IL1RAPL2: variants seen among roughly 807,000 people sequenced by gnomAD.
IL1RAPL2 encodes interleukin 1 receptor accessory protein like 2, also known as X-linked interleukin-1 receptor accessory protein-like 2.
IL1RAPL2 carries 3 observed loss-of-function variants against 44.1 expected under a neutral mutation model. The observed-to-expected ratio is 0.07, with a 90% confidence interval of 0.03 to 0.18. IL1RAPL2 has a LOEUF of 0.18. Ranked by LOEUF, IL1RAPL2 falls within the 10% of genes least tolerant of loss-of-function variation. The probability of loss-of-function intolerance (pLI) is 1.00; values close to 1 mark genes in which losing one functional copy is unlikely to be tolerated. For synonymous variants in IL1RAPL2, 181 were observed against 178.8 expected, an observed-to-expected ratio of 1.01 and a Z score of -0.10; for missense variants, 391 against 496.4, an observed-to-expected ratio of 0.79 and a Z score of 2.02.
intron 2 of IL1RAPL2, among the ~76,000 whole-genome samples, chrX:105,070,324 T>G (rs2032190051): frequency 8.9e-6 from 1 of 112,074 alleles, no homozygotes. Context: ...AAGGTCTTCC[T>G]TATTGTCATA....
intron 8 of IL1RAPL2, among the ~76,000 whole-genome samples, chrX:105,748,122 C>G (rs761844193): frequency 4.0e-4 from 45 of 111,463 alleles, no homozygotes; most frequent in Non-Finnish European, 8.1e-4. Flanking sequence ...ATGATACACT[C>G]TTTATATTTA....
At chrX:105,354,557 C>T (rs186041474) in intron 5 of IL1RAPL2, among the ~76,000 whole-genome samples, 52 of 109,435 alleles carry the variant, frequency 4.8e-4, no homozygotes, top group Middle Eastern at 4.7e-3. Context: ...TGTTAAATGA[C>T]GAGTTGATGG....
chrX:105,458,297 A>G (rs1341756915), intron 5 of IL1RAPL2, among the ~76,000 whole-genome samples: 1 of 111,459 alleles, frequency 9.0e-6, no homozygotes, highest in Non-Finnish European at 1.9e-5. Flanking sequence ...GTGTTTATTG[A>G]TGCACGGAAG....
chrX:104,682,436 A>G (rs901478055), intron 2 of IL1RAPL2, among the ~76,000 whole-genome samples: 48 of 112,632 alleles, frequency 4.3e-4, no homozygotes, highest in African/African-American at 1.5e-3. Flanking sequence ...TATATCATAC[A>G]TATACAGCCA....
chrX:104,687,462 G>T (rs1256163018), intron 2 of IL1RAPL2, among the ~76,000 whole-genome samples: 1 of 111,370 alleles, frequency 9.0e-6, no homozygotes, highest in Non-Finnish European at 1.9e-5. Flanking sequence ...ATGGCACCAA[G>T]CCATTTACGA....
intron 3 of IL1RAPL2, among the ~76,000 whole-genome samples, chrX:105,200,056 C>A (rs1285769125): frequency 9.0e-6 from 1 of 111,169 alleles, no homozygotes; most frequent in Non-Finnish European, 1.9e-5. Context: ...TATGCAATTG[C>A]CAAGAGTGAC....
chrX:105,736,417 T>A (rs1368090492), intron 7 of IL1RAPL2, among the ~76,000 whole-genome samples: 1 of 105,365 alleles, frequency 9.5e-6, no homozygotes, highest in Non-Finnish European at 2.0e-5. Context: ...AAAAAAACTA[T>A]CAACAGAGTA....
chrX:104,970,138 G>A (rs2030204376), intron 2 of IL1RAPL2, among the ~76,000 whole-genome samples: 1 of 110,905 alleles, frequency 9.0e-6, no homozygotes, highest in South Asian at 3.8e-4. Flanking sequence ...ACTATATCCT[G>A]GTTTGTGAGA....
At chrX:104,680,527 G>T (rs1260912960) in intron 2 of IL1RAPL2, among the ~76,000 whole-genome samples, 1 of 111,359 alleles carries the variant, frequency 9.0e-6, no homozygotes, top group Admixed American at 9.6e-5. Flanking sequence ...TTGCCATCCT[G>T]AAATTCTTAA....
intron 6 of IL1RAPL2, among the ~76,000 whole-genome samples, chrX:105,614,810 A>G (rs1292879108): frequency 1.8e-5 from 2 of 111,853 alleles, no homozygotes; most frequent in Non-Finnish European, 3.8e-5. Flanking sequence ...CAGGCAACTA[A>G]AGCAAAAATG....
intron 1 of IL1RAPL2, among the ~76,000 whole-genome samples, chrX:104,603,914 T>C (rs1427404700): frequency 8.9e-6 from 1 of 111,864 alleles, no homozygotes; most frequent in Non-Finnish European, 1.9e-5. Context: ...TTCCCCAACC[T>C]AGCAAGACAG....
intron 2 of IL1RAPL2, among the ~76,000 whole-genome samples, chrX:104,693,715 T>A (rs1429013525): frequency 8.9e-6 from 1 of 112,160 alleles, no homozygotes; most frequent in South Asian, 3.7e-4. Flanking sequence ...CATCCTTTTA[T>A]TGGGGAAAAT....
At chrX:104,638,320 A>G (rs771554545) in intron 1 of IL1RAPL2, among the ~76,000 whole-genome samples, 25 of 110,411 alleles carry the variant, frequency 2.3e-4, no homozygotes, top group Admixed American at 1.9e-3. Flanking sequence ...TTTTCATTCT[A>G]TTGGTCCTGT....
intron 5 of IL1RAPL2, among the ~76,000 whole-genome samples, chrX:105,392,459 C>A (rs1010002662): frequency 8.9e-6 from 1 of 111,748 alleles, no homozygotes; most frequent in Non-Finnish European, 1.9e-5. Context: ...AGCTCTAGAC[C>A]AGGTATAATC....
intron 2 of IL1RAPL2, among the ~76,000 whole-genome samples, chrX:104,792,619 TA>T (rs1356754116): frequency 4.5e-5 from 5 of 111,302 alleles, no homozygotes; most frequent in African/African-American, 1.6e-4. Context: ...AAAATGCATA[TA>T]AAGTAGATCA....
At chrX:104,901,927 A>G (rs1569338119) in intron 2 of IL1RAPL2, among the ~76,000 whole-genome samples, 1 of 112,248 alleles carries the variant, frequency 8.9e-6, no homozygotes, top group East Asian at 2.8e-4. Flanking sequence ...TATTGTTTAC[A>G]TTATGCTGAC....
intron 2 of IL1RAPL2, among the ~76,000 whole-genome samples, chrX:104,724,464 T>TA (rs201949067): frequency 4.5e-5 from 5 of 110,912 alleles, no homozygotes; most frequent in East Asian, 2.9e-4. Flanking sequence ...TAAAGTATAA[T>TA]AAAAAAATTA....
chrX:105,215,086 G>T (rs1230381264), intron 3 of IL1RAPL2, among the ~76,000 whole-genome samples: 2 of 111,892 alleles, frequency 1.8e-5, no homozygotes, highest in Non-Finnish European at 3.8e-5. Flanking sequence ...TCAAAAGCTA[G>T]CAGAAGACAA....
intron 5 of IL1RAPL2, among the ~76,000 whole-genome samples, chrX:105,269,855 C>T (rs1047014512): frequency 2.7e-5 from 3 of 112,057 alleles, no homozygotes; most frequent in Admixed American, 9.5e-5. Flanking sequence ...AAAGTAAATA[C>T]GAAACCTCCT....
Sources: gnomAD v4.1 joint callset for allele counts (sites outside exome capture counted in the v4.1 genomes callset) on GRCh38, gnomAD v4.1.1 for gene constraint, MANE v1.5 for transcripts, NCBI Gene and HGNC (gene_info 2026-07-23, HGNC 2026-07-21) for gene names.